SLC16A12: variants seen among roughly 807,000 people sequenced by gnomAD.
SLC16A12 encodes solute carrier family 16 member 12, also known as monocarboxylate transporter 12.
Under a neutral mutation model 42.4 loss-of-function variants are expected in SLC16A12, and 17 were observed. The ratio of observed to expected loss-of-function variants is 0.40; its 90% CI spans 0.27 to 0.60. The LOEUF (loss-of-function observed/expected upper bound fraction) is 0.60, where lower values mean the gene tolerates loss of function less well. Among genes scored for constraint, SLC16A12 ranks in the 20% least tolerant of loss-of-function variants. The pLI is 0.42. For missense variants in SLC16A12, 544 were observed against 623.0 expected (o/e 0.87, Z 1.35); for synonymous variants, 224 against 229.4 (o/e 0.98, Z 0.21).
intron 2 of SLC16A12, among the ~76,000 whole-genome samples, chr10:89,554,837 C>T (rs969499306): frequency 6.6e-6 from 1 of 152,200 alleles, no homozygotes; most frequent in African/African-American, 2.4e-5. Flanking sequence ...CTCTAGCCCT[C>T]TAGCCATCTG....
At chr10:89,529,483 G>A (rs1843506144) in intron 2 of SLC16A12, among the ~76,000 whole-genome samples, 1 of 151,446 alleles carries the variant, frequency 6.6e-6, no homozygotes, top group Non-Finnish European at 1.5e-5. Context: ...GTGTTAGGGG[G>A]AAACAGTTGC....
At chr10:89,487,402 G>C (rs1026629870) in intron 2 of SLC16A12, among the ~76,000 whole-genome samples, 1 of 152,066 alleles carries the variant, frequency 6.6e-6, no homozygotes, top group African/African-American at 2.4e-5. Flanking sequence ...GGGAATGTAA[G>C]TTAATAAAAC....
At chr10:89,547,305 G>GA (rs1370016251) in intron 2 of SLC16A12, among the ~76,000 whole-genome samples, 1 of 152,006 alleles carries the variant, frequency 6.6e-6, no homozygotes, top group Non-Finnish European at 1.5e-5. Flanking sequence ...ATTACTTGAG[G>GA]AAAAAAACAT....
chr10:89,522,797 A>G (rs1428417757), intron 2 of SLC16A12, among the ~76,000 whole-genome samples: 2 of 152,190 alleles, frequency 1.3e-5, no homozygotes, highest in African/African-American at 4.8e-5. Context: ...AGACAATTCC[A>G]TCTTCAAAAG....
chr10:89,541,217 C>T (rs564166945), intron 2 of SLC16A12, among the ~76,000 whole-genome samples: 16 of 152,180 alleles, frequency 1.1e-4, no homozygotes, highest in Middle Eastern at 3.4e-3. Context: ...TGAGCCACCA[C>T]GCCTGGCTGC....
At position 89,550,659 on chromosome 10, in the gene SLC16A12, C is replaced by T. The variant is rs181614815; in HGVS notation, c.-47+5223G>A. On this transcript the variant is annotated intron_variant, in intron 2 of 2. Transcript: ENST00000475682. ...CCATAATGTGTCATGGCCCCACCCCCGCCTTTCTCTACATCATCTCGTGCC... is the reference window on the plus strand; with the variant it reads ...CCATAATGTGTCATGGCCCCACCCCTGCCTTTCTCTACATCATCTCGTGCC... Among the ~76,000 whole-genome samples the T allele has an allele frequency of 6.6e-5, 10 of 152,186 alleles. No homozygotes were observed. In the South Asian group the frequency reaches 1.0e-3, roughly 16 times the overall value.
At chr10:89,465,038 T>C (rs1295394429) in intron 2 of SLC16A12, among the ~76,000 whole-genome samples, 2 of 152,162 alleles carry the variant, frequency 1.3e-5, no homozygotes, top group Admixed American at 1.3e-4. Flanking sequence ...GGCCTGAGGA[T>C]TGACTAATAG....
intron 3 of SLC16A12, among the ~76,000 whole-genome samples, chr10:89,451,278 G>T (rs966210570): frequency 2.0e-5 from 3 of 152,202 alleles, no homozygotes; most frequent in African/African-American, 4.8e-5. Flanking sequence ...GCTTGGAGAA[G>T]AAGGGAGAGA....
chr10:89,510,586 A>G (rs1004792277), intron 2 of SLC16A12, among the ~76,000 whole-genome samples: 2 of 152,208 alleles, frequency 1.3e-5, no homozygotes, highest in Non-Finnish European at 2.9e-5. Context: ...TTAACTCAAG[A>G]TGGATAAAAG....
intron 2 of SLC16A12, among the ~76,000 whole-genome samples, chr10:89,476,420 A>G (rs1276929207): frequency 6.6e-6 from 1 of 152,134 alleles, no homozygotes; most frequent in Admixed American, 6.5e-5. Flanking sequence ...AGTACTACGG[A>G]GAACTGGTGT....
At chr10:89,497,814 A>C (rs1842942985) in intron 2 of SLC16A12, among the ~76,000 whole-genome samples, 1 of 152,160 alleles carries the variant, frequency 6.6e-6, no homozygotes, top group African/African-American at 2.4e-5. Flanking sequence ...AATAAGATAT[A>C]AACCAACATT....
chr10:89,450,288 C>T (rs1310423397), intron 3 of SLC16A12, among the ~76,000 whole-genome samples: 2 of 152,136 alleles, frequency 1.3e-5, no homozygotes, highest in Non-Finnish European at 2.9e-5. Flanking sequence ...ATAAATGATG[C>T]TACTATAAAG....
At chr10:89,533,597 C>T (rs1843594268) in intron 2 of SLC16A12, among the ~76,000 whole-genome samples, 1 of 151,958 alleles carries the variant, frequency 6.6e-6, no homozygotes, top group Non-Finnish European at 1.5e-5. Flanking sequence ...TCGATCATTA[C>T]CATAGAGGGT....
At chr10:89,532,376 A>C (rs1843569115) in intron 2 of SLC16A12, among the ~76,000 whole-genome samples, 1 of 152,260 alleles carries the variant, frequency 6.6e-6, no homozygotes, top group Admixed American at 6.5e-5. Context: ...ACCACCTTCA[A>C]ACAGGACATT....
At chr10:89,510,580 C>G (rs1843147720) in intron 2 of SLC16A12, among the ~76,000 whole-genome samples, 1 of 152,116 alleles carries the variant, frequency 6.6e-6, no homozygotes, top group African/African-American at 2.4e-5. Flanking sequence ...CAAAAATTAA[C>G]TCAAGATGGA....
At position 89,448,312 on chromosome 10, in the gene SLC16A12, A is replaced by C. The variant is rs150016997; in HGVS notation, c.201-4453T>G. 7.1e-3 allele frequency among the ~76,000 whole-genome samples: 1,086 copies of C among 152,242 alleles called. 14 individuals are homozygous for C. Among genetic ancestry groups the C allele is most frequent in the African/African-American group, 0.023 (954 of 41,534 alleles). On this transcript the variant is annotated intron_variant, in intron 3 of 7. Transcript: ENST00000371790. Reference sequence around the variant, plus strand: ...TCTGGCAAAAACACACACACACACAAAAAGGGATCTTTAGACCAATATCCC... The same window carrying C: ...TCTGGCAAAAACACACACACACACACAAAGGGATCTTTAGACCAATATCCC...
At chr10:89,433,610 T>A (rs1841729164) in intron 7 of SLC16A12, among the ~76,000 whole-genome samples, 1 of 152,208 alleles carries the variant, frequency 6.6e-6, no homozygotes, top group African/African-American at 2.4e-5. Flanking sequence ...ATTAACCCCA[T>A]GAAATCTGGT....
At chr10:89,531,237 A>G (rs1589731192) in intron 2 of SLC16A12, among the ~76,000 whole-genome samples, 1 of 152,008 alleles carries the variant, frequency 6.6e-6, no homozygotes, top group East Asian at 1.9e-4. Flanking sequence ...TAAAAAAAAA[A>G]AAAGTACAAA....
At chr10:89,479,175 T>C (rs1332824381) in intron 2 of SLC16A12, among the ~76,000 whole-genome samples, 1 of 152,246 alleles carries the variant, frequency 6.6e-6, no homozygotes, top group South Asian at 2.1e-4. Context: ...TCCATGATCC[T>C]GTGGGGTGGA....
Sources: allele counts gnomAD v4.1 joint callset (sites outside exome capture counted in the v4.1 genomes callset), GRCh38; gene constraint gnomAD v4.1.1; transcripts MANE v1.5; gene names NCBI Gene and HGNC (gene_info 2026-07-23, HGNC 2026-07-21).